CFAP299: variants seen among roughly 807,000 people sequenced by gnomAD.
The protein encoded by CFAP299 is cilia and flagella associated protein 299.
A neutral mutation model predicts 27.0 loss-of-function variants in CFAP299; 21 were observed. The observed-to-expected ratio is 0.78, with a 90% CI of 0.55 to 1.12. The LOEUF (loss-of-function observed/expected upper bound fraction) is 1.12, where lower values mean the gene tolerates loss of function less well. Among genes scored for constraint, CFAP299 ranks in the 50% most tolerant of loss-of-function variants. The pLI is 0.00. For synonymous variants in CFAP299, 104 were observed against 98.1 expected, an observed-to-expected ratio of 1.06 and a Z score of -0.36; for missense variants, 310 against 276.6, an observed-to-expected ratio of 1.12 and a Z score of -0.86.
chr4:80,677,682 A>G lies in CFAP299; in HGVS notation c.333+94499A>G, dbSNP rs539603411. On this transcript the variant is annotated intron_variant, in intron 3 of 5. Transcript: ENST00000358105. The stretch of plus-strand genomic sequence containing the variant: ...ATATTTTTTCATAAATATCTAGTGC[A>G]AACTTATGAGGAAAGATATTCACTA... Among the ~76,000 whole-genome samples, 3 of 152,206 alleles carry G rather than the reference A, an allele frequency of 2.0e-5. No homozygotes were observed. In the South Asian group the frequency reaches 6.2e-4, roughly 32 times the overall value.
chr4:80,437,682 T>C (rs1728161319), intron 2 of CFAP299, among the ~76,000 whole-genome samples: 1 of 152,170 alleles, frequency 6.6e-6, no homozygotes, highest in Admixed American at 6.5e-5. Flanking sequence ...TATACAGACA[T>C]CCTTGAAAAG....
At chr4:80,659,689 G>T (rs1319728682) in intron 3 of CFAP299, among the ~76,000 whole-genome samples, 1 of 151,886 alleles carries the variant, frequency 6.6e-6, no homozygotes, top group Admixed American at 6.6e-5. Flanking sequence ...ACTTCTCATG[G>T]ATACAAAATA....
At chr4:80,388,417 C>T (rs772810630) in intron 2 of CFAP299, 19 of 767,534 alleles carry the variant, frequency 2.5e-5, no homozygotes, top group South Asian at 1.2e-4. Context: ...TGGGTGCTGC[C>T]GAAGGTGTGT....
At chr4:80,564,372 A>G (rs1459207196) in intron 2 of CFAP299, among the ~76,000 whole-genome samples, 1 of 152,086 alleles carries the variant, frequency 6.6e-6, no homozygotes, top group Non-Finnish European at 1.5e-5. Flanking sequence ...AAGATGTTTC[A>G]ACATATGCAA....
intron 3 of CFAP299, among the ~76,000 whole-genome samples, chr4:80,773,211 A>G (rs1193883493): frequency 6.6e-6 from 1 of 152,170 alleles, no homozygotes; most frequent in Non-Finnish European, 1.5e-5. Flanking sequence ...ATGTAATCAG[A>G]TATCATTTAA....
upstream of CFAP299, chr4:80,335,643 G>A (rs977927565): frequency 1.6e-5 from 11 of 689,256 alleles, no homozygotes; most frequent in African/African-American, 1.2e-4. Context: ...CAAACCGCCG[G>A]GGGGTGGGAT....
chr4:80,552,784 C>G (rs1485381905), intron 2 of CFAP299, among the ~76,000 whole-genome samples: 2 of 152,042 alleles, frequency 1.3e-5, no homozygotes, highest in African/African-American at 4.8e-5. Flanking sequence ...TACTCCTTCA[C>G]TCAAGCAGTC....
At chr4:80,682,914 G>T (rs1719932602) in intron 3 of CFAP299, among the ~76,000 whole-genome samples, 1 of 152,162 alleles carries the variant, frequency 6.6e-6, no homozygotes, top group South Asian at 2.1e-4. Context: ...TGAACAGATT[G>T]GTACCAAGCA....
intron 5 of CFAP299, among the ~76,000 whole-genome samples, chr4:80,960,199 T>C (rs1207981898): frequency 1.3e-5 from 2 of 151,830 alleles, no homozygotes; most frequent in Non-Finnish European, 2.9e-5. Flanking sequence ...ACTAAAATTG[T>C]AGCACATCTC....
chr4:80,712,984 G>A (rs1722261040), intron 3 of CFAP299, among the ~76,000 whole-genome samples: 1 of 152,052 alleles, frequency 6.6e-6, no homozygotes, highest in South Asian at 2.1e-4. Context: ...AGAGCATTTA[G>A]TATGTCAAGC....
intron 3 of CFAP299, among the ~76,000 whole-genome samples, chr4:80,864,513 T>A (rs1178605574): frequency 1.4e-5 from 2 of 147,514 alleles, no homozygotes; most frequent in Non-Finnish European, 3.0e-5. Context: ...TATATACCTA[T>A]ATATACGTAT....
At chr4:80,705,485 C>A (rs908812556) in intron 3 of CFAP299, among the ~76,000 whole-genome samples, 1 of 151,744 alleles carries the variant, frequency 6.6e-6, no homozygotes, top group African/African-American at 2.4e-5. Flanking sequence ...GTCACGTGGC[C>A]AAATCTGATT....
intron 3 of CFAP299, among the ~76,000 whole-genome samples, chr4:80,821,527 T>C (rs929634185): frequency 6.6e-6 from 1 of 152,112 alleles, no homozygotes; most frequent in Non-Finnish European, 1.5e-5. Context: ...GCGGCACACC[T>C]GCTTCCAGCT....
At chr4:80,483,207 A>T (rs1730651837) in intron 2 of CFAP299, among the ~76,000 whole-genome samples, 1 of 152,224 alleles carries the variant, frequency 6.6e-6, no homozygotes, top group Non-Finnish European at 1.5e-5. Flanking sequence ...GGCTGAAGGG[A>T]GCCACATGCC....
At chr4:80,409,441 A>G (rs1435247477) in intron 2 of CFAP299, among the ~76,000 whole-genome samples, 2 of 152,198 alleles carry the variant, frequency 1.3e-5, no homozygotes, top group Non-Finnish European at 2.9e-5. Flanking sequence ...AAAGTTTCCC[A>G]TACATTTTAG....
intron 3 of CFAP299, among the ~76,000 whole-genome samples, chr4:80,719,360 A>G (rs28568466): frequency 0.043 from 6,528 of 152,310 alleles, 193 homozygotes; most frequent in Middle Eastern, 0.085. Context: ...GATAAACTCA[A>G]GTGCATTATT....
intron 3 of CFAP299, among the ~76,000 whole-genome samples, chr4:80,685,351 T>A (rs1720114219): frequency 1.3e-5 from 2 of 152,150 alleles, no homozygotes; most frequent in Admixed American, 1.3e-4. Context: ...ATGCAGAATG[T>A]CTGGTTTCAA....
chr4:80,356,284 T>C (rs908671269), intron 1 of CFAP299, among the ~76,000 whole-genome samples: 29 of 152,194 alleles, frequency 1.9e-4, no homozygotes, highest in Non-Finnish European at 1.8e-4. Context: ...TCCAGCTTTG[T>C]TCTTTTTGCT....
Position 80,401,210 on chromosome 4 carries a change from T to G in CFAP299, c.242+38326T>G, listed in dbSNP as rs906970287. ...GAAAAGCCCATTTTCTGGGGAGAAA[T>G]TCAAGCTGGCTGCAGAAATTTGCAT... On this transcript the variant is annotated intron_variant, in intron 2 of 5. Coordinates refer to ENST00000358105, the MANE Select transcript of CFAP299 (RefSeq NM_152770.3). Among the ~76,000 whole-genome samples the G allele has an allele frequency of 2.0e-5, 3 of 152,070 alleles. No individual in the cohort carries two copies. The East Asian group carries it at 5.8e-4, about 29-fold the overall frequency.
Sources: allele counts gnomAD v4.1 joint callset (sites outside exome capture counted in the v4.1 genomes callset), GRCh38; gene constraint gnomAD v4.1.1; transcripts MANE v1.5; gene names NCBI Gene and HGNC (gene_info 2026-07-23, HGNC 2026-07-21).